Variants in CMIP observed in about 807,000 individuals in gnomAD.
The protein encoded by CMIP is c-Maf inducing protein.
Under a neutral mutation model 97.3 loss-of-function variants are expected in CMIP, and 13 were observed. The observed-to-expected ratio is 0.13, with a 90% CI of 0.09 to 0.21. The LOEUF (loss-of-function observed/expected upper bound fraction) is 0.21, where lower values mean the gene tolerates loss of function less well. Among genes scored for constraint, CMIP ranks in the 10% least tolerant of loss-of-function variants. The probability of loss-of-function intolerance (pLI) is 1.00; values close to 1 mark genes in which losing one functional copy is unlikely to be tolerated. For missense variants in CMIP, 847 were observed against 1,024.9 expected (o/e 0.83, Z 2.37); for synonymous variants, 538 against 436.3 (o/e 1.23, Z -2.91).
At chr16:81,545,648 C>T (rs751556091) in intron 1 of CMIP, among the ~76,000 whole-genome samples, 1 of 152,132 alleles carries the variant, frequency 6.6e-6, no homozygotes, top group Non-Finnish European at 1.5e-5. Flanking sequence ...GCGATGCTCA[C>T]GGTAAAACTA....
chr16:81,451,531 G>A (rs1906214699), intron 1 of CMIP, among the ~76,000 whole-genome samples: 1 of 152,188 alleles, frequency 6.6e-6, no homozygotes, highest in Admixed American at 6.5e-5. Flanking sequence ...CTATTTTGAT[G>A]TTCTTTTGCT....
chr16:81,709,050 C>G (rs1472969454), intron 20 of CMIP, among the ~76,000 whole-genome samples: 5 of 152,172 alleles, frequency 3.3e-5, no homozygotes, highest in Admixed American at 2.6e-4. Flanking sequence ...AAAAAGCCAA[C>G]TGTTCATAAA....
chr16:81,545,973 C>G (rs1005032305), intron 1 of CMIP, among the ~76,000 whole-genome samples: 2 of 152,184 alleles, frequency 1.3e-5, no homozygotes, highest in African/African-American at 4.8e-5. Context: ...CCACCGTGAC[C>G]TACATCAGAA....
intron 1 of CMIP, among the ~76,000 whole-genome samples, chr16:81,528,128 A>G (rs1044209607): frequency 1.3e-5 from 2 of 152,352 alleles, no homozygotes; most frequent in Middle Eastern, 3.4e-3. Flanking sequence ...TGGTGGGTAT[A>G]TAACAGTATT....
At chr16:81,668,894 C>A (rs947065871) in intron 7 of CMIP, among the ~76,000 whole-genome samples, 1 of 131,304 alleles carries the variant, frequency 7.6e-6, no homozygotes, top group African/African-American at 2.8e-5. Context: ...CTTCCGTACC[C>A]ACCTCACACC....
intron 1 of CMIP, among the ~76,000 whole-genome samples, chr16:81,533,545 C>A (rs1223090007): frequency 1.3e-5 from 2 of 152,166 alleles, no homozygotes; most frequent in Non-Finnish European, 2.9e-5. Flanking sequence ...GTGGTGTGAT[C>A]TTGGCTCACT....
chr16:81,584,582 A>C (rs2091349559), intron 1 of CMIP, among the ~76,000 whole-genome samples: 1 of 152,198 alleles, frequency 6.6e-6, no homozygotes, highest in African/African-American at 2.4e-5. Context: ...TGGTCTGTTA[A>C]GAGTGTGCCC....
intron 1 of CMIP, among the ~76,000 whole-genome samples, chr16:81,514,303 G>C (rs1054398949): frequency 6.6e-6 from 1 of 152,198 alleles, no homozygotes; most frequent in Non-Finnish European, 1.5e-5. Context: ...TTGTGGGGGC[G>C]TGTGGCCACC....
chr16:81,445,877 T>TA (rs1181781051), intron 1 of CMIP, among the ~76,000 whole-genome samples: 1 of 145,758 alleles, frequency 6.9e-6, no homozygotes, highest in African/African-American at 2.6e-5. Context: ...TGGGCCCTGA[T>TA]GGTGGTGGGG....
At chr16:81,692,124 T>A in intron 11 of CMIP, among the ~76,000 whole-genome samples, 1 of 152,164 alleles carries the variant, frequency 6.6e-6, no homozygotes, top group East Asian at 1.9e-4. Flanking sequence ...AACAGAGCCC[T>A]CCCCATGGCT....
At chr16:81,709,549 G>A (rs1181109769) in intron 20 of CMIP, among the ~76,000 whole-genome samples, 197 bp from the exon 21 acceptor site, 5 of 152,284 alleles carry the variant, frequency 3.3e-5, no homozygotes, top group South Asian at 2.1e-4. Flanking sequence ...TGGTTTCTCC[G>A]GGGCCAGGGC....
At chr16:81,697,858 C>G (rs1455257646) in intron 14 of CMIP, 2 of 152,404 alleles carry the variant, frequency 1.3e-5, no homozygotes, top group East Asian at 1.9e-4. Flanking sequence ...GCCGGCCACC[C>G]CAGGCCTCTC....
chr16:81,642,750 G>C (rs1478700147), intron 3 of CMIP, among the ~76,000 whole-genome samples: 3 of 152,112 alleles, frequency 2.0e-5, no homozygotes, highest in Non-Finnish European at 4.4e-5. Context: ...ATAAAACTTA[G>C]CCAGGCGTGG....
chr16:81,688,568 C>T (rs953131343), intron 10 of CMIP, among the ~76,000 whole-genome samples: 5 of 152,192 alleles, frequency 3.3e-5, no homozygotes, highest in African/African-American at 1.2e-4. Context: ...TAAGGTATAG[C>T]CCTTAGCATC....
At position 81,617,704 on chromosome 16, in the gene CMIP, G is replaced by C. The variant is rs555952394; in HGVS notation, c.427-3172G>C. 2.6e-5 allele frequency among the ~76,000 whole-genome samples: 4 copies of C among 152,290 alleles called. No homozygotes were observed. In the East Asian group the frequency reaches 5.8e-4, roughly 22 times the overall value. On this transcript the variant is annotated intron_variant, in intron 2 of 20. Coordinates refer to ENST00000537098, the MANE Select transcript of CMIP (RefSeq NM_198390.3). ...CATTCGTTCCAGTGTAACCAGCTCT[G>C]GCCCAGCCAGGCACTGCTCACCTAG...
At chr16:81,531,020 C>T (rs2090224181) in intron 1 of CMIP, among the ~76,000 whole-genome samples, 1 of 152,180 alleles carries the variant, frequency 6.6e-6, no homozygotes. Context: ...GAACTGTAGC[C>T]TTCAAAAGGC....
At chr16:81,558,653 G>A (rs867409779) in intron 1 of CMIP, among the ~76,000 whole-genome samples, 1 of 152,204 alleles carries the variant, frequency 6.6e-6, no homozygotes, top group Non-Finnish European at 1.5e-5. Flanking sequence ...GAGGAGGCAG[G>A]CCAGCCAGGC....
chr16:81,482,478 C>T (rs1012260315), intron 1 of CMIP, among the ~76,000 whole-genome samples: 1 of 152,098 alleles, frequency 6.6e-6, no homozygotes, highest in Non-Finnish European at 1.5e-5. Context: ...GAGGGTGAGA[C>T]AGCAGAGGGC....
chr16:81,492,661 A>G (rs921348309), intron 1 of CMIP, among the ~76,000 whole-genome samples: 4 of 152,094 alleles, frequency 2.6e-5, no homozygotes, highest in Admixed American at 6.5e-5. Context: ...GGAGGAGGCA[A>G]AACAGGGGAG....
Sources: allele counts gnomAD v4.1 joint callset (sites outside exome capture counted in the v4.1 genomes callset), GRCh38; gene constraint gnomAD v4.1.1; transcripts MANE v1.5; gene names NCBI Gene and HGNC (gene_info 2026-07-23, HGNC 2026-07-21).